Variants in SLC35F3 observed in about 807,000 individuals in gnomAD.
The protein encoded by SLC35F3 is putative thiamine transporter SLC35F3.
A neutral mutation model predicts 49.9 loss-of-function variants in SLC35F3; 25 were observed. The ratio of observed to expected loss-of-function variants is 0.50; its 90% CI spans 0.37 to 0.70. The LOEUF is 0.70. Among genes scored for constraint, SLC35F3 ranks in the 30% least tolerant of loss-of-function variants. The probability of loss-of-function intolerance (pLI) is 0.00; values close to 1 mark genes in which losing one functional copy is unlikely to be tolerated. For synonymous variants in SLC35F3, 275 were observed against 265.4 expected (o/e 1.04, Z -0.35); for missense variants, 525 against 639.8 (o/e 0.82, Z 1.94).
chr1:234,127,539 A>G (rs1665667120), intron 2 of SLC35F3, among the ~76,000 whole-genome samples: 1 of 152,180 alleles, frequency 6.6e-6, no homozygotes, highest in African/African-American at 2.4e-5. Context: ...CTGTCATTCG[A>G]TGCAGCTCAA....
intron 3 of SLC35F3, among the ~76,000 whole-genome samples, chr1:234,234,568 C>G (rs1357961637): frequency 1.3e-5 from 2 of 152,098 alleles, no homozygotes; most frequent in Non-Finnish European, 1.5e-5. Context: ...ACTGTAAATG[C>G]CCTGGAGTTG....
chr1:234,007,428 T>C (rs1045731782), intron 2 of SLC35F3, among the ~76,000 whole-genome samples: 4 of 152,064 alleles, frequency 2.6e-5, no homozygotes, highest in African/African-American at 9.7e-5. Context: ...GAGAAGGGCC[T>C]AGTGTGGGTG....
intron 2 of SLC35F3, among the ~76,000 whole-genome samples, chr1:233,955,766 T>TG (rs1491120055): frequency 2.8e-5 from 1 of 36,174 alleles, no homozygotes; most frequent in East Asian, 1.1e-3. Context: ...TCACGAACTG[T>TG]TTTTTTTTTT....
chr1:234,036,894 A>G (rs750535870), intron 2 of SLC35F3, among the ~76,000 whole-genome samples: 9 of 152,220 alleles, frequency 5.9e-5, no homozygotes, highest in Non-Finnish European at 1.2e-4. Flanking sequence ...CTTCAGGTCA[A>G]CTAAGTCATT....
rs1248777539 is a variant in SLC35F3, at chr1:234,323,756, A to G, written c.*513A>G. 6.2e-6 allele frequency: 1 copy of G among 161,834 alleles called. No individual in the cohort carries two copies. The highest frequency in any genetic ancestry group is 2.4e-5 in the African/African-American group (1 of 41,490). 10.0% of individuals were successfully genotyped at this position (161,834 alleles called of 1,614,324 possible). A position where few individuals can be genotyped will look rare whatever the true frequency, so the allele number is the denominator to read the frequency against. Reference sequence around the variant, plus strand: ...GAGGGATGGAAGGAGGGAGGGAAGGATGTCTGGGATGTGAAGAGGCAAGGC... The same window carrying G: ...GAGGGATGGAAGGAGGGAGGGAAGGGTGTCTGGGATGTGAAGAGGCAAGGC... On this transcript the variant is annotated 3_prime_UTR_variant, in exon 8 of 8. Coordinates refer to ENST00000366618, the MANE Select transcript of SLC35F3 (RefSeq NM_173508.4). This position sits in a 1 kb window ranked among gnomAD's most constrained non-coding sequence, Gnocchi z 4.5.
At chr1:234,069,144 A>T (rs1403279293) in intron 2 of SLC35F3, among the ~76,000 whole-genome samples, 5 of 129,184 alleles carry the variant, frequency 3.9e-5, no homozygotes, top group African/African-American at 1.4e-4. Flanking sequence ...ATAATATATA[A>T]TATATTTATA....
intron 2 of SLC35F3, among the ~76,000 whole-genome samples, chr1:233,938,014 AG>A (rs1462457135): frequency 6.6e-6 from 1 of 152,210 alleles, no homozygotes; most frequent in Non-Finnish European, 1.5e-5. Flanking sequence ...ATTAAATTAT[AG>A]GTGACAGAAG....
chr1:234,171,832 A>G (rs1475918721), intron 2 of SLC35F3, among the ~76,000 whole-genome samples: 1 of 152,222 alleles, frequency 6.6e-6, no homozygotes. Flanking sequence ...AATGTTTGAG[A>G]TGATAGATAT....
At chr1:234,064,738 G>A (rs1182121839) in intron 2 of SLC35F3, among the ~76,000 whole-genome samples, 1 of 152,132 alleles carries the variant, frequency 6.6e-6, no homozygotes, top group Non-Finnish European at 1.5e-5. Context: ...CGTTCAAATA[G>A]ATCCCAGGGT....
chr1:234,085,852 T>C (rs1363079836), intron 2 of SLC35F3, among the ~76,000 whole-genome samples: 1 of 152,222 alleles, frequency 6.6e-6, no homozygotes, highest in African/African-American at 2.4e-5. Context: ...AAGTTTCAGT[T>C]GCTCTCTAAT....
chr1:233,998,980 G>T (rs957650288), intron 2 of SLC35F3, among the ~76,000 whole-genome samples: 2 of 152,206 alleles, frequency 1.3e-5, no homozygotes, highest in Non-Finnish European at 1.5e-5. Flanking sequence ...TACTGATGGA[G>T]TTAAATAGGG....
At chr1:234,138,637 T>G (rs1309004405) in intron 2 of SLC35F3, among the ~76,000 whole-genome samples, 2 of 152,152 alleles carry the variant, frequency 1.3e-5, no homozygotes, top group African/African-American at 4.8e-5. Flanking sequence ...AGCCTTGACC[T>G]CCTGTGCACA....
chr1:234,073,456 A>G lies in SLC35F3; in HGVS notation c.284-157961A>G, dbSNP rs538418899. Among the ~76,000 whole-genome samples the G allele has an allele frequency of 2.6e-5, 4 of 152,242 alleles. No homozygotes were observed. In the East Asian group the frequency reaches 5.8e-4, roughly 22 times the overall value. ...CACCATGCCCAGTCCCCTATCTTCTATTTCTTGAGTCCTTCCATAAGCACC... is the reference window on the plus strand; with the variant it reads ...CACCATGCCCAGTCCCCTATCTTCTGTTTCTTGAGTCCTTCCATAAGCACC... On this transcript the variant is annotated intron_variant, in intron 2 of 7. Coordinates refer to ENST00000366618, the MANE Select transcript of SLC35F3 (RefSeq NM_173508.4).
chr1:234,316,366 G>A (rs1657489572), intron 4 of SLC35F3, among the ~76,000 whole-genome samples: 1 of 152,240 alleles, frequency 6.6e-6, no homozygotes, highest in Non-Finnish European at 1.5e-5. Flanking sequence ...CCTGCTGCCA[G>A]CAGTTTCAGT....
At chr1:233,934,663 C>T (rs1179654847) in intron 2 of SLC35F3, among the ~76,000 whole-genome samples, 1 of 152,046 alleles carries the variant, frequency 6.6e-6, no homozygotes, top group Non-Finnish European at 1.5e-5. Flanking sequence ...CCTTTCTTTA[C>T]TGCATCTAGA....
intron 2 of SLC35F3, among the ~76,000 whole-genome samples, chr1:234,050,239 T>G (rs1305757080): frequency 6.6e-6 from 1 of 152,254 alleles, no homozygotes; most frequent in Non-Finnish European, 1.5e-5. Context: ...GTTGAACTAG[T>G]TTACAGTCCC....
chr1:234,108,719 A>T (rs1291014075), intron 2 of SLC35F3, among the ~76,000 whole-genome samples: 4 of 72,254 alleles, frequency 5.5e-5, no homozygotes, highest in African/African-American at 2.0e-4. Context: ...TATAAAAGAT[A>T]TATATAAATA....
intron 2 of SLC35F3, among the ~76,000 whole-genome samples, chr1:234,097,565 C>T (rs1217667168): frequency 6.6e-6 from 1 of 152,106 alleles, no homozygotes; most frequent in African/African-American, 2.4e-5. Flanking sequence ...CACACACGCA[C>T]ATTATTTGTT....
chr1:234,218,885 C>T (rs1201746567), intron 2 of SLC35F3, among the ~76,000 whole-genome samples: 1 of 146,740 alleles, frequency 6.8e-6, no homozygotes, highest in Non-Finnish European at 1.5e-5. Flanking sequence ...CCTGTCACTA[C>T]TAAAAATACA....
Sources: allele counts gnomAD v4.1 joint callset (sites outside exome capture counted in the v4.1 genomes callset), GRCh38; gene constraint gnomAD v4.1.1; non-coding constraint Gnocchi (gnomAD v3.1); transcripts MANE v1.5; gene names NCBI Gene and HGNC (gene_info 2026-07-23, HGNC 2026-07-21).